CTNNA2: variants seen among roughly 807,000 people sequenced by gnomAD.
The protein encoded by CTNNA2 is catenin alpha 2.
A neutral mutation model predicts 101.0 loss-of-function variants in CTNNA2; 42 were observed. That is an observed-to-expected ratio of 0.42 (90% confidence interval 0.32 to 0.54). CTNNA2 has a LOEUF of 0.54. Ranked by LOEUF, CTNNA2 falls within the 20% of genes least tolerant of loss-of-function variation. The pLI, the probability that CTNNA2 is intolerant of heterozygous loss-of-function variation, is 0.14. For synonymous variants in CTNNA2, 450 were observed against 456.4 expected, an observed-to-expected ratio of 0.99 and a Z score of 0.18; for missense variants, 871 against 1,223.1, an observed-to-expected ratio of 0.71 and a Z score of 4.29.
At chr2:80,370,786 T>G (rs548162870) in intron 7 of CTNNA2, among the ~76,000 whole-genome samples, 8 of 152,320 alleles carry the variant, frequency 5.3e-5, no homozygotes, top group Admixed American at 5.2e-4. Flanking sequence ...TACTCATCAC[T>G]AGGTTCATGG....
chr2:80,352,680 T>C (rs1464957648), intron 7 of CTNNA2, among the ~76,000 whole-genome samples: 1 of 152,130 alleles, frequency 6.6e-6, no homozygotes, highest in African/African-American at 2.4e-5. Flanking sequence ...TTTAATGGAT[T>C]GTGGAAATAT....
chr2:79,739,413 C>G (rs1573838934), intron 2 of CTNNA2, among the ~76,000 whole-genome samples: 4 of 152,248 alleles, frequency 2.6e-5, no homozygotes, highest in Admixed American at 2.6e-4. Flanking sequence ...TTCTGGATTT[C>G]TCTACTTGTC....
At chr2:80,115,847 C>T (rs559205168) in intron 7 of CTNNA2, among the ~76,000 whole-genome samples, 4 of 152,222 alleles carry the variant, frequency 2.6e-5, no homozygotes, top group African/African-American at 9.6e-5. Context: ...GTTCTGAAAC[C>T]TGTTGACCAG....
intron 7 of CTNNA2, among the ~76,000 whole-genome samples, chr2:80,355,517 A>C (rs1673698142): frequency 1.3e-5 from 2 of 152,144 alleles, no homozygotes; most frequent in Non-Finnish European, 1.5e-5. Context: ...TAGTCTTCTG[A>C]ACAACTTCTT....
At chr2:79,908,314 G>A (rs1429015513) in intron 6 of CTNNA2, among the ~76,000 whole-genome samples, 1 of 152,014 alleles carries the variant, frequency 6.6e-6, no homozygotes, top group Non-Finnish European at 1.5e-5. Context: ...CTTTAAATTT[G>A]GTGAATATAT....
chr2:79,315,922 ATC>A (rs772962142), intron 3 of CTNNA2, among the ~76,000 whole-genome samples: 12 of 152,062 alleles, frequency 7.9e-5, no homozygotes, highest in Non-Finnish European at 1.6e-4. Flanking sequence ...CCACGTTATT[ATC>A]TGTCTTTTTA....
chr2:79,269,211 A>C (rs932057404), intron 2 of CTNNA2, among the ~76,000 whole-genome samples: 1 of 152,142 alleles, frequency 6.6e-6, no homozygotes, highest in African/African-American at 2.4e-5. Context: ...TAAGCACCTG[A>C]AAAATATGCA....
At chr2:80,197,735 T>A (rs539840561) in intron 7 of CTNNA2, among the ~76,000 whole-genome samples, 3 of 152,328 alleles carry the variant, frequency 2.0e-5, no homozygotes, top group Non-Finnish European at 4.4e-5. Flanking sequence ...CAGGCTCACC[T>A]TCAGTCTCTC....
intron 4 of CTNNA2, among the ~76,000 whole-genome samples, chr2:79,455,125 TA>T (rs1383772131): frequency 6.6e-6 from 1 of 152,270 alleles, no homozygotes; most frequent in Non-Finnish European, 1.5e-5. Context: ...CTAAGTGACT[TA>T]AAAATGACTA....
At position 80,202,127 on chromosome 2, in the gene CTNNA2, A is replaced by G. The variant is rs77330630; in HGVS notation, c.1057-191084A>G. On this transcript the variant is annotated intron_variant, in intron 7 of 18. Coordinates refer to ENST00000402739, the MANE Select transcript of CTNNA2 (RefSeq NM_001282597.3). ...TTATCAGCAGAATATGCATATGACT[A>G]TAAGTCTTCTCTCCTCCTCCCTCTT... Among the ~76,000 whole-genome samples the G allele has an allele frequency of 4.5e-3, 684 of 152,306 alleles. 3 individuals are homozygous for G. Among genetic ancestry groups the G allele is most frequent in the African/African-American group, 0.016 (645 of 41,562 alleles).
intron 6 of CTNNA2, among the ~76,000 whole-genome samples, chr2:79,874,759 G>A (rs1271304538): frequency 6.6e-6 from 1 of 152,150 alleles, no homozygotes; most frequent in Non-Finnish European, 1.5e-5. Context: ...GGTGAGCCGA[G>A]ATCGTGCCAT....
At chr2:79,438,481 T>A (rs916832677) in intron 4 of CTNNA2, among the ~76,000 whole-genome samples, 1 of 152,176 alleles carries the variant, frequency 6.6e-6, no homozygotes, top group African/African-American at 2.4e-5. Flanking sequence ...TGAGGGTTTT[T>A]TAATGTCATT....
rs192173786 is a variant in CTNNA2 at position 80,057,355 on chromosome 2, C to T, written c.1056+147558C>T. Among the ~76,000 whole-genome samples the T allele has an allele frequency of 5.3e-5, 8 of 152,126 alleles. No individual in the cohort carries two copies. In the East Asian group the frequency reaches 7.7e-4, roughly 15 times the overall value. On this transcript the variant is annotated intron_variant, in intron 7 of 18. Coordinates refer to ENST00000402739, the MANE Select transcript of CTNNA2 (RefSeq NM_001282597.3). The stretch of plus-strand genomic sequence containing the variant: ...CAATAAGAATAGCATATAATTTGTC[C>T]GGAACTAACCTTCTGAAATACACCA...
intron 7 of CTNNA2, among the ~76,000 whole-genome samples, chr2:79,939,940 A>G (rs1024011937): frequency 6.6e-6 from 1 of 152,124 alleles, no homozygotes. Flanking sequence ...TAAAAATACA[A>G]AATTAGCTGG....
At chr2:80,122,919 T>C (rs535012425) in intron 7 of CTNNA2, among the ~76,000 whole-genome samples, 1 of 152,214 alleles carries the variant, frequency 6.6e-6, no homozygotes, top group South Asian at 2.1e-4. Flanking sequence ...TCCTGGAACC[T>C]TCCCTCATCC....
rs60857367 is a variant in CTNNA2 at position 79,528,377 on chromosome 2, G to GATT, written c.-6+15189_-6+15191dup. Among the ~76,000 whole-genome samples the GATT allele has an allele frequency of 5.2e-3, 793 of 151,360 alleles. 8 individuals carry two copies. The highest frequency in any genetic ancestry group is 0.016 in the African/African-American group (677 of 41,320). ...TAGGGGTATGCCACCATGCTTGGCT[G>GATT]ATTATTATTATTATTATTATTTTGT... On this transcript the variant is annotated intron_variant, in intron 1 of 18. Coordinates refer to ENST00000402739, the MANE Select transcript of CTNNA2 (RefSeq NM_001282597.3).
intron 7 of CTNNA2, among the ~76,000 whole-genome samples, chr2:79,985,269 T>C (rs1361766927): frequency 6.6e-6 from 1 of 152,174 alleles, no homozygotes; most frequent in Non-Finnish European, 1.5e-5. Context: ...TGTTCAGAAT[T>C]CTTTCGATGG....
At chr2:80,579,466 T>C (rs1215695799) in intron 13 of CTNNA2, 1 of 152,180 alleles carries the variant, frequency 6.6e-6, no homozygotes, top group Non-Finnish European at 1.5e-5. Context: ...CAACTTGCTA[T>C]AATTGTCCCA....
At position 79,817,511 on chromosome 2, in the gene CTNNA2, C is replaced by T. The variant is rs75076977; in HGVS notation, c.299-40502C>T. Among the ~76,000 whole-genome samples the T allele has an allele frequency of 1.7e-3, 252 of 151,978 alleles. 2 individuals carry two copies. The highest frequency in any genetic ancestry group is 5.8e-3 in the African/African-American group (239 of 41,424). ...CTGCACTTCCACTCCTCTGGCAGCA[C>T]TCTAACCACATTGAACCATGTGTTG... On this transcript the variant is annotated intron_variant, in intron 3 of 18. Coordinates refer to ENST00000402739, the MANE Select transcript of CTNNA2 (RefSeq NM_001282597.3).
Sources: allele counts gnomAD v4.1 joint callset (sites outside exome capture counted in the v4.1 genomes callset), GRCh38; gene constraint gnomAD v4.1.1; transcripts MANE v1.5; gene names NCBI Gene and HGNC (gene_info 2026-07-23, HGNC 2026-07-21).